Variants in LOXL2 observed in about 807,000 individuals in gnomAD.
LOXL2 encodes lysyl oxidase homolog 2.
In LOXL2, 70 loss-of-function variants were observed where a neutral mutation model predicts 93.0. That is an observed-to-expected ratio of 0.75 (90% CI 0.62 to 0.92). The LOEUF (loss-of-function observed/expected upper bound fraction) is 0.92. LOXL2 is among the 40% of genes least tolerant of loss of function. The pLI, the probability that LOXL2 is intolerant of heterozygous loss-of-function variation, is 0.00. For missense variants in LOXL2, 973 were observed against 1,054.9 expected (o/e 0.92, Z 1.08); for synonymous variants, 438 against 413.2 (o/e 1.06, Z -0.73).
chr8:23,318,197 A>G (rs10111940), intron 8 of LOXL2, among the ~76,000 whole-genome samples: 20,335 of 150,878 alleles, frequency 0.13, 2,271 homozygotes, highest in African/African-American at 0.3. Context: ...AACCCAAAAA[A>G]CCTGAGGCCT....
At chr8:23,300,052 G>A (rs1015630906) in intron 12 of LOXL2, among the ~76,000 whole-genome samples, 5 of 152,220 alleles carry the variant, frequency 3.3e-5, no homozygotes, top group South Asian at 2.1e-4. Context: ...CTGCCCCCTC[G>A]TTCCTGGCCC....
intron 1 of LOXL2, among the ~76,000 whole-genome samples, chr8:23,379,135 T>C (rs1421054616): frequency 6.6e-6 from 1 of 152,258 alleles, no homozygotes; most frequent in African/African-American, 2.4e-5. Flanking sequence ...CTTTTATGTT[T>C]GTTAGTTTTC....
Position 23,368,334 on chromosome 8 carries a change from G to A in LOXL2, c.18C>T (p.Cys6=), listed in dbSNP as rs767387274. The A allele has an allele frequency of 3.1e-6, 5 of 1,611,972 alleles. No homozygotes were observed. Among genetic ancestry groups the A allele is most frequent in the East Asian group, 2.2e-5 (1 of 44,880 alleles). The change falls in exon 2 of 14, where the codon TGC becomes TGT. Residue 6 remains cysteine, a synonymous_variant. Transcript: ENST00000389131. ...TAGCCAGGCAGCTGCAGAGGTGGGAGCACAGAGGCCTCTCCATCCCTGTCT... is the reference window on the plus strand; with the variant it reads ...TAGCCAGGCAGCTGCAGAGGTGGGAACACAGAGGCCTCTCCATCCCTGTCT... MERPL[C]SHLCSCLAML...
At position 23,316,616 on chromosome 8, in the gene LOXL2, A is replaced by G. The variant is rs925030746; in HGVS notation, c.1636+333T>C. 4 of 281,086 alleles carry G rather than the reference A, an allele frequency of 1.4e-5. No homozygotes were observed. In the Admixed American group the frequency reaches 1.6e-4, roughly 11 times the overall value. The allele number at this position is 281,086 out of a possible 1,614,324, so 17.4% of individuals were successfully genotyped here. On this transcript the variant is annotated intron_variant, in intron 9 of 13. Transcript: ENST00000389131. Reference sequence around the variant, plus strand: ...GAGGGAGGAAGCCAACACCCATGGAAGATGTCATCGACCTCATTTAACTGG... The same window carrying G: ...GAGGGAGGAAGCCAACACCCATGGAGGATGTCATCGACCTCATTTAACTGG...
At chr8:23,335,914 C>T (rs149486874) in intron 4 of LOXL2, among the ~76,000 whole-genome samples, 266 of 152,308 alleles carry the variant, frequency 1.7e-3, no homozygotes, top group Non-Finnish European at 3.0e-3. Flanking sequence ...CACAATGACA[C>T]GGAATCTTGC....
At chr8:23,316,464 G>A (rs1242278745) in intron 9 of LOXL2, among the ~76,000 whole-genome samples, 1 of 152,088 alleles carries the variant, frequency 6.6e-6, no homozygotes, top group Non-Finnish European at 1.5e-5. Flanking sequence ...TTCAGGAAGT[G>A]GGTCATCCTG....
chr8:23,362,304 A>G (rs918517170), intron 2 of LOXL2, among the ~76,000 whole-genome samples: 1 of 152,240 alleles, frequency 6.6e-6, no homozygotes, highest in African/African-American at 2.4e-5. Flanking sequence ...GGTGGCTGCC[A>G]GGGCCTGGGA....
chr8:23,351,299 C>T (rs6991070), intron 3 of LOXL2, among the ~76,000 whole-genome samples: 29,163 of 152,050 alleles, frequency 0.19, 3,752 homozygotes, highest in African/African-American at 0.37. Flanking sequence ...TGACCGCTGC[C>T]CACTCTGCCC....
chr8:23,361,744 G>A (rs1804293787), intron 2 of LOXL2, among the ~76,000 whole-genome samples: 1 of 152,192 alleles, frequency 6.6e-6, no homozygotes, highest in Non-Finnish European at 1.5e-5. Context: ...GGGAGGCTGA[G>A]GCAGAGAATC....
intron 7 of LOXL2, among the ~76,000 whole-genome samples, chr8:23,321,255 G>A (rs1397141408): frequency 6.6e-6 from 1 of 152,194 alleles, no homozygotes; most frequent in Non-Finnish European, 1.5e-5. Flanking sequence ...GGTCACCAAG[G>A]GCACCTGCCA....
chr8:23,387,851 GAGGCAGGAGAATCACTTGAACCCGGA>G (rs1330795233), intron 1 of LOXL2, among the ~76,000 whole-genome samples: 4 of 152,126 alleles, frequency 2.6e-5, no homozygotes, highest in Admixed American at 2.6e-4. Context: ...TTGGGAGACT[GAGGCAGGAGAATCACTTGAACCCGGA>G]AGGCAGAGGT....
intron 9 of LOXL2, among the ~76,000 whole-genome samples, chr8:23,316,135 C>T (rs1294432083): frequency 1.3e-5 from 2 of 152,334 alleles, no homozygotes; most frequent in South Asian, 2.1e-4. Flanking sequence ...TGTTCAATCC[C>T]GCGTTCTCCG....
rs775999889 is a variant in LOXL2 at position 23,328,563 on chromosome 8, T to C, written c.969A>G (p.Gln323=). 1 of 1,613,688 alleles carries C rather than the reference T, an allele frequency of 6.2e-7. No individual in the cohort carries two copies. The highest frequency in any genetic ancestry group is 1.1e-5 in the South Asian group (1 of 91,068). Reference sequence around the variant, plus strand: ...CACCGCCTCTCAGTCGCACCAGGGGTTGCTGAAGAGACACACGGTCCTGCT... The same window carrying C: ...CACCGCCTCTCAGTCGCACCAGGGGCTGCTGAAGAGACACACGGTCCTGCT... ...SRFRKAYKPE[Q]PLVRLRGGAY... The change falls in exon 6 of 14, where the codon CAA becomes CAG. Residue 323 remains glutamine, a splice_region_variant and synonymous_variant. Coordinates refer to ENST00000389131, the MANE Select transcript of LOXL2 (RefSeq NM_002318.3).
At chr8:23,400,440 C>A (rs1269449740) in intron 1 of LOXL2, among the ~76,000 whole-genome samples, 2 of 152,178 alleles carry the variant, frequency 1.3e-5, no homozygotes, top group African/African-American at 4.8e-5. Flanking sequence ...AGATCTACCC[C>A]CATGATTCAA....
At chr8:23,379,450 C>T (rs892420377) in intron 1 of LOXL2, among the ~76,000 whole-genome samples, 1 of 152,216 alleles carries the variant, frequency 6.6e-6, no homozygotes, top group African/African-American at 2.4e-5. Flanking sequence ...AGAACCACTA[C>T]TCTCTTCAAA....
chr8:23,360,085 C>T lies in LOXL2; in HGVS notation c.531+5G>A. 1 of 1,594,668 alleles carries T rather than the reference C, an allele frequency of 6.3e-7. No individual in the cohort carries two copies. The highest frequency in any genetic ancestry group is 1.1e-5 in the South Asian group (1 of 90,598). Reference sequence around the variant, plus strand: ...TGAAGGAAACATCAAGAGCACATGACTTGCCTCTATCTGGTTGATCAACGA... The same window carrying T: ...TGAAGGAAACATCAAGAGCACATGATTTGCCTCTATCTGGTTGATCAACGA... On this transcript the variant is annotated splice_donor_5th_base_variant and intron_variant, in intron 3 of 13. Transcript: ENST00000389131.
At chr8:23,309,610 G>A (rs1386638476) in intron 10 of LOXL2, 58 bp downstream of exon 10, 2 of 1,358,788 alleles carry the variant, frequency 1.5e-6, no homozygotes, top group African/African-American at 3.0e-5. Flanking sequence ...ACTCCCATCT[G>A]AGGCCTGCAG....
intron 1 of LOXL2, among the ~76,000 whole-genome samples, chr8:23,380,127 G>A (rs911345539): frequency 1.3e-5 from 2 of 152,316 alleles, no homozygotes; most frequent in South Asian, 4.1e-4. Flanking sequence ...AGGCGTGCTG[G>A]CTTACGCCTG....
At position 23,303,706 on chromosome 8, in the gene LOXL2, A is replaced by G. The variant is rs542540967; in HGVS notation, c.1881-309T>C. Among the ~76,000 whole-genome samples the G allele has an allele frequency of 3.3e-5, 5 of 152,156 alleles. No homozygotes were observed. In the South Asian group the frequency reaches 1.0e-3, roughly 32 times the overall value. On this transcript the variant is annotated intron_variant, in intron 10 of 13. Transcript: ENST00000389131. ...AGGTGAGCAGATTAGCCAGCACTGC[A>G]TATGATAAGCACAGAACTCCAGCTA...
Sources: gnomAD v4.1 joint callset for allele counts (sites outside exome capture counted in the v4.1 genomes callset) on GRCh38, gnomAD v4.1.1 for gene constraint, MANE v1.5 for transcripts, NCBI Gene and HGNC (gene_info 2026-07-23, HGNC 2026-07-21) for gene names.